Variants in WASHC4 observed in about 807,000 individuals in gnomAD.
WASHC4 encodes the protein WASH complex subunit 4.
In WASHC4, 86 loss-of-function variants were observed where a neutral mutation model predicts 166.6. The ratio of observed to expected loss-of-function variants is 0.52; its 90% CI spans 0.43 to 0.62. WASHC4 has a LOEUF of 0.62. WASHC4 is among the 20% of genes least tolerant of loss of function. The pLI, the probability that WASHC4 is intolerant of heterozygous loss-of-function variation, is 0.00. For synonymous variants in WASHC4, 446 were observed against 451.6 expected (o/e 0.99, Z 0.16); for missense variants, 1,262 against 1,382.4 (o/e 0.91, Z 1.38).
rs770916749 is a variant in WASHC4 at position 105,162,729 on chromosome 12, ATGT to A, written c.3061-15_3061-13del. On this transcript the variant is annotated splice_polypyrimidine_tract_variant and intron_variant, in intron 29 of 32. Transcript: ENST00000332180. ...TTCTTAGCAAAATTGTTTTTCTAACATGTTGTTACATCTTTTTAGACCCTCAAC... is the reference window on the plus strand; with the variant it reads ...TTCTTAGCAAAATTGTTTTTCTAACATGTTACATCTTTTTAGACCCTCAAC... The A allele has an allele frequency of 6.2e-6, 8 of 1,292,556 alleles. No homozygotes were observed. Among genetic ancestry groups the A allele is most frequent in the South Asian group, 6.0e-5 (5 of 83,712 alleles). The allele number at this position is 1,292,556 out of a possible 1,614,324, so 80.1% of individuals were successfully genotyped here. A position where few individuals can be genotyped will look rare whatever the true frequency, so the allele number is the denominator to read the frequency against.
rs759552589 is a variant in WASHC4 at position 105,144,737 on chromosome 12, A to G, written c.2199A>G (p.Leu733=). The change falls in exon 22 of 33, where the codon CTA becomes CTG. Residue 733 remains leucine (L), a synonymous_variant. Transcript: ENST00000332180. ...IDIRAYVTHY[L]DKTFYNLTTV... is the part of the protein sequence containing the mutation. ...TGGTAGCTTACGTAACTCACTACCT[A>G]GACAAGACTTTCTACAATCTAACAA... is the stretch of plus-strand genomic sequence containing the variant. 2.5e-5 allele frequency: 41 copies of G among 1,611,726 alleles called. No homozygotes were observed. Among genetic ancestry groups the G allele is most frequent in the Non-Finnish European group, 3.4e-5 (40 of 1,178,946 alleles).
chr12:105,145,187 A>C lies in WASHC4; in HGVS notation c.2334+315A>C, dbSNP rs190094909. ...AAGTGACTTCTGTAGAATTTTAAGA[A>C]GTTCAAAGTCACATTTAAGGATTTT... On this transcript the variant is annotated intron_variant, in intron 22 of 32. Transcript: ENST00000332180. Among the ~76,000 whole-genome samples the C allele has an allele frequency of 5.9e-5, 9 of 151,956 alleles. No homozygotes were observed. The East Asian group carries it at 1.7e-3, about 29-fold the overall frequency.
At chr12:105,161,978 C>T (rs924581875) in intron 29 of WASHC4, among the ~76,000 whole-genome samples, 16 of 152,298 alleles carry the variant, frequency 1.1e-4, no homozygotes, top group African/African-American at 3.4e-4. Flanking sequence ...TTCAGCTTGT[C>T]AGTCACACTA....
intron 4 of WASHC4, 55 bp downstream of exon 4, chr12:105,114,482 AT>A: frequency 9.0e-7 from 1 of 1,107,518 alleles, no homozygotes; most frequent in Non-Finnish European, 1.3e-6. Flanking sequence ...AGAAGCAAGT[AT>A]GTGTTTATAT....
chr12:105,149,377 T>G, intron 24 of WASHC4: 1 of 1,058,710 alleles, frequency 9.4e-7, no homozygotes, highest in Non-Finnish European at 1.1e-6. Flanking sequence ...TCCACTTTTT[T>G]CTTTTCTTTT....
chr12:105,165,417 T>C (rs1416163689), intron 32 of WASHC4, among the ~76,000 whole-genome samples: 3 of 152,222 alleles, frequency 2.0e-5, no homozygotes, highest in African/African-American at 7.2e-5. Flanking sequence ...ATAATCATCT[T>C]CTCTGAGAAA....
At position 105,141,027 on chromosome 12, in the gene WASHC4, A is replaced by G; in HGVS notation, c.1689A>G (p.Leu563=). 1 of 1,614,200 alleles carries G rather than the reference A, an allele frequency of 6.2e-7. No homozygotes were observed. The highest frequency in any genetic ancestry group is 2.2e-5 in the East Asian group (1 of 44,876). The change falls in exon 17 of 33, where the codon CTA becomes CTG. Residue 563 remains leucine, a synonymous_variant. Coordinates refer to ENST00000332180, the MANE Select transcript of WASHC4 (RefSeq NM_015275.3). Reference sequence around the variant, plus strand: ...GGCGACTTATTGTTTCTTTGGCACTAAGTGTTGGCACACAAATGGTAAGTG... The same window carrying G: ...GGCGACTTATTGTTTCTTTGGCACTGAGTGTTGGCACACAAATGGTAAGTG... ...KQRRLIVSLA[L]SVGTQMKTFK... is the part of the protein sequence containing the mutation.
At chr12:105,160,576 T>C (rs1429986259) in intron 29 of WASHC4, among the ~76,000 whole-genome samples, 2 of 152,230 alleles carry the variant, frequency 1.3e-5, no homozygotes, top group Non-Finnish European at 2.9e-5. Flanking sequence ...GGTCTTGAAC[T>C]CCTGGGCTCA....
intron 11 of WASHC4, 27 bp from the exon 12 acceptor site, chr12:105,126,208 C>T: frequency 6.2e-7 from 1 of 1,612,398 alleles, no homozygotes; most frequent in Non-Finnish European, 8.5e-7. Context: ...ATTTGTTCTG[C>T]TTTCTCTTAT....
intron 22 of WASHC4, among the ~76,000 whole-genome samples, chr12:105,145,401 G>T (rs573024279): frequency 1.3e-4 from 18 of 139,718 alleles, no homozygotes; most frequent in African/African-American, 5.3e-4. Context: ...GATAATTTGC[G>T]TGGAGTTCTC....
chr12:105,119,958 C>T (rs1014095494), intron 7 of WASHC4, among the ~76,000 whole-genome samples: 3 of 152,054 alleles, frequency 2.0e-5, no homozygotes, highest in Non-Finnish European at 4.4e-5. Context: ...AGGCTGGGCG[C>T]GGTGGCTCAT....
intron 13 of WASHC4, among the ~76,000 whole-genome samples, chr12:105,132,966 G>A (rs1881995716): frequency 1.3e-5 from 2 of 152,006 alleles, no homozygotes; most frequent in African/African-American, 4.8e-5. Flanking sequence ...TATTACAGTA[G>A]CTTTTAGGTG....
At chr12:105,151,322 A>G (rs751437559) in intron 25 of WASHC4, among the ~76,000 whole-genome samples, 26 of 152,266 alleles carry the variant, frequency 1.7e-4, no homozygotes, top group Non-Finnish European at 3.8e-4. Flanking sequence ...GATTTGCCAT[A>G]TGCGGAACTA....
chr12:105,122,944 T>C (rs1880908626), intron 10 of WASHC4, among the ~76,000 whole-genome samples: 2 of 152,150 alleles, frequency 1.3e-5, no homozygotes, highest in African/African-American at 4.8e-5. Flanking sequence ...CCTCTAAGTG[T>C]TCAAACGAAA....
intron 18 of WASHC4, 124 bp downstream of exon 18, chr12:105,141,370 T>C: frequency 1.3e-6 from 1 of 787,040 alleles, no homozygotes; most frequent in Non-Finnish European, 2.3e-6. Context: ...TTTCTGTAAC[T>C]TCTTTAGCAT....
intron 13 of WASHC4, among the ~76,000 whole-genome samples, chr12:105,129,535 G>T (rs1487669130): frequency 6.6e-6 from 1 of 152,156 alleles, no homozygotes; most frequent in Non-Finnish European, 1.5e-5. Context: ...TTATTGGTCA[G>T]ATCATAGCTG....
rs1884951691 is a variant in WASHC4, at chr12:105,169,089, A to G, written c.*2158A>G. ...CCTTTTCCCCCAATTCTAAGAGAAT[A>G]TAATGTGTATACTAAAACATTAATA... On this transcript the variant is annotated 3_prime_UTR_variant, in exon 33 of 33. Coordinates refer to ENST00000332180, the MANE Select transcript of WASHC4 (RefSeq NM_015275.3). The G allele has an allele frequency of 6.6e-6, 1 of 152,608 alleles. No individual in the cohort carries two copies. The highest frequency in any genetic ancestry group is 2.4e-5 in the African/African-American group (1 of 41,468). 9.5% of individuals were successfully genotyped at this position (152,608 alleles called of 1,614,324 possible).
At chr12:105,139,763 C>T (rs550252083) in intron 15 of WASHC4, among the ~76,000 whole-genome samples, 1 of 151,728 alleles carries the variant, frequency 6.6e-6, no homozygotes, top group Non-Finnish European at 1.5e-5. Flanking sequence ...ACATTAGTCA[C>T]TTGTACCTGG....
At chr12:105,120,966 G>T (rs1220994500) in intron 8 of WASHC4, 135 bp from the exon 9 acceptor site, 1 of 694,272 alleles carries the variant, frequency 1.4e-6, no homozygotes, top group Non-Finnish European at 2.6e-6. Flanking sequence ...GATCCAACCT[G>T]TAGCTGAATA....
Sources: allele counts gnomAD v4.1 joint callset (sites outside exome capture counted in the v4.1 genomes callset), GRCh38; gene constraint gnomAD v4.1.1; transcripts MANE v1.5; gene names NCBI Gene and HGNC (gene_info 2026-07-23, HGNC 2026-07-21).